The following FGFR2 variants were observed in gnomAD, a reference collection of about 807,000 sequenced individuals.
FGFR2 encodes the protein fibroblast growth factor receptor 2, also known as BEK fibroblast growth factor receptor.
Under a neutral mutation model 95.9 loss-of-function variants are expected in FGFR2, and 19 were observed. That is an observed-to-expected ratio of 0.20 (90% confidence interval 0.14 to 0.29). The LOEUF (loss-of-function observed/expected upper bound fraction) is 0.29. Among genes scored for constraint, FGFR2 ranks in the 10% least tolerant of loss-of-function variants. The probability of loss-of-function intolerance (pLI) is 1.00; values close to 1 mark genes in which losing one functional copy is unlikely to be tolerated. For synonymous variants in FGFR2, 392 were observed against 393.3 expected (o/e 1.00, Z 0.04); for missense variants, 707 against 1,056.9 (o/e 0.67, Z 4.59).
chr10:121,527,002 C>G (rs1851470642), intron 6 of FGFR2: 2 of 365,704 alleles, frequency 5.5e-6, no homozygotes, highest in Non-Finnish European at 9.7e-6. Flanking sequence ...CTCCCTCCAG[C>G]ACTAAAGTCA....
intron 9 of FGFR2, among the ~76,000 whole-genome samples, chr10:121,505,792 T>C (rs143227467): frequency 4.9e-4 from 74 of 152,310 alleles, no homozygotes; most frequent in African/African-American, 1.7e-3. Context: ...CCAGTTTGCA[T>C]TGGTCCACAG....
At chr10:121,564,008 C>A (rs1186200652) in intron 4 of FGFR2, among the ~76,000 whole-genome samples, 1 of 152,228 alleles carries the variant, frequency 6.6e-6, no homozygotes, top group Non-Finnish European at 1.5e-5. Context: ...TGTTATGGGG[C>A]TGTGCTCTGC....
chr10:121,506,357 C>CAAAAAAAAAAAAAAAAAAAAAA (rs10678814), intron 9 of FGFR2, among the ~76,000 whole-genome samples: 1 of 101,174 alleles, frequency 9.9e-6, no homozygotes, highest in East Asian at 2.8e-4. Flanking sequence ...GACTCCGTCT[C>CAAAAAAAAAAAAAAAAAAAAAA]AAAAAAAAAA....
At chr10:121,577,810 C>A (rs1360697637) in intron 2 of FGFR2, among the ~76,000 whole-genome samples, 4 of 152,036 alleles carry the variant, frequency 2.6e-5, no homozygotes, top group Non-Finnish European at 4.4e-5. Context: ...AAATACATAA[C>A]CTGGATGTCT....
intron 4 of FGFR2, among the ~76,000 whole-genome samples, chr10:121,559,078 G>A (rs1371898475): frequency 1.3e-5 from 1 of 79,188 alleles, no homozygotes; most frequent in East Asian, 4.1e-4. Flanking sequence ...GGAAGATACA[G>A]AACTAAATTT....
chr10:121,586,292 C>G (rs1184205362), intron 2 of FGFR2, among the ~76,000 whole-genome samples: 1 of 152,158 alleles, frequency 6.6e-6, no homozygotes, highest in African/African-American at 2.4e-5. Context: ...TAAATACATC[C>G]CTTGTTCTCG....
Position 121,485,581 on chromosome 10 carries a change from A to C in FGFR2, c.2058-49T>G, listed in dbSNP as rs1166601872. 36 of 1,613,480 alleles carry C rather than the reference A, an allele frequency of 2.2e-5. No individual in the cohort carries two copies. The highest frequency in any genetic ancestry group is 2.9e-5 in the Non-Finnish European group (34 of 1,179,752). On this transcript the variant is annotated intron_variant, in intron 15 of 17. Coordinates refer to ENST00000358487, the MANE Select transcript of FGFR2 (RefSeq NM_000141.5). This position sits in a 1 kb window ranked among gnomAD's most constrained non-coding sequence, Gnocchi z 4.2. ...GCATTACTAACCCATCCACGTTGCC[A>C]AAACCTAAACACGCCCAGCTGAGAC... is the stretch of plus-strand genomic sequence containing the variant.
intron 9 of FGFR2, among the ~76,000 whole-genome samples, chr10:121,511,379 A>G (rs1849040334): frequency 6.6e-6 from 1 of 152,076 alleles, no homozygotes; most frequent in African/African-American, 2.4e-5. Flanking sequence ...ACCCAGCAAC[A>G]CCGCACGTCT....
At chr10:121,542,336 C>T (rs538209342) in intron 5 of FGFR2, among the ~76,000 whole-genome samples, 12 of 152,222 alleles carry the variant, frequency 7.9e-5, no homozygotes, top group South Asian at 4.2e-4. Flanking sequence ...TGGGTATTGC[C>T]TACTTTTTTC....
chr10:121,551,268 T>C, intron 5 of FGFR2, 22 bp downstream of exon 5: 1 of 1,612,670 alleles, frequency 6.2e-7, no homozygotes, highest in South Asian at 1.1e-5. Context: ...AGAAATGTGA[T>C]GTTCTGAAAG....
At chr10:121,515,614 G>A (rs912781489) in intron 8 of FGFR2, among the ~76,000 whole-genome samples, 1 of 152,052 alleles carries the variant, frequency 6.6e-6, no homozygotes, top group African/African-American at 2.4e-5. Context: ...CATTTCAGTG[G>A]AGGACGACCA....
At chr10:121,536,736 C>G (rs1304369492) in intron 6 of FGFR2, among the ~76,000 whole-genome samples, 1 of 152,166 alleles carries the variant, frequency 6.6e-6, no homozygotes, top group Non-Finnish European at 1.5e-5. Flanking sequence ...AAGCAAGAGC[C>G]CAGACCGGAG....
In FGFR2 at chr10:121,485,323, G is replaced by C. The variant is rs1209202589; in HGVS notation, c.2195+72C>G. ...GGAAACCAGGGGCCTTCAAAAACGA[G>C]ATACATCAGGAGAGGTATTACTGGT... On this transcript the variant is annotated intron_variant, in intron 16 of 17. Coordinates refer to ENST00000358487, the MANE Select transcript of FGFR2 (RefSeq NM_000141.5). This position sits in a 1 kb window ranked among gnomAD's most constrained non-coding sequence, Gnocchi z 4.2. 25 of 1,598,500 alleles carry C rather than the reference G, an allele frequency of 1.6e-5. No individual in the cohort carries two copies. Among genetic ancestry groups the C allele is most frequent in the Non-Finnish European group, 2.1e-5 (24 of 1,166,636 alleles).
At chr10:121,597,690 G>A (rs961075656) in intron 1 of FGFR2, among the ~76,000 whole-genome samples, 2 of 152,264 alleles carry the variant, frequency 1.3e-5, no homozygotes, top group Non-Finnish European at 2.9e-5. Context: ...GCCCGCCAGG[G>A]TTTGACAGGG....
intron 2 of FGFR2, among the ~76,000 whole-genome samples, chr10:121,575,891 T>A (rs747970155): frequency 8.7e-4 from 126 of 145,634 alleles, no homozygotes; most frequent in South Asian, 2.0e-3. Flanking sequence ...AATAATAATT[T>A]AAAAAAATAA....
intron 2 of FGFR2, among the ~76,000 whole-genome samples, chr10:121,582,563 G>A (rs2135373765): frequency 6.6e-6 from 1 of 152,244 alleles, no homozygotes; most frequent in South Asian, 2.1e-4. Flanking sequence ...GGGAGGCTGA[G>A]GTGGGTGGAT....
At chr10:121,597,113 G>A (rs1045276816) in intron 1 of FGFR2, among the ~76,000 whole-genome samples, 1 of 152,232 alleles carries the variant, frequency 6.6e-6, no homozygotes, top group Non-Finnish European at 1.5e-5. Flanking sequence ...CGGTCTGCAA[G>A]GGAGCGGGGT....
intron 2 of FGFR2, among the ~76,000 whole-genome samples, chr10:121,581,149 C>T (rs1265492367): frequency 6.6e-6 from 1 of 152,216 alleles, no homozygotes; most frequent in Non-Finnish European, 1.5e-5. Context: ...TGGAGGCCGC[C>T]GGGATGCCCT....
At position 121,563,799 on chromosome 10, in the gene FGFR2, T is replaced by G. The variant is rs146310319; in HGVS notation, c.454+703A>C. Among the ~76,000 whole-genome samples, 79 of 152,326 alleles carry G rather than the reference T, an allele frequency of 5.2e-4. 1 individual carries two copies. The highest frequency in any genetic ancestry group is 1.7e-3 in the African/African-American group (69 of 41,564). ...CCAAGAGGCTACGCCATGTTCTTCC[T>G]CGCAAGTAAATGGCCTCTCCCATGT... On this transcript the variant is annotated intron_variant, in intron 4 of 17. Coordinates refer to ENST00000358487, the MANE Select transcript of FGFR2 (RefSeq NM_000141.5).
Sources: allele counts gnomAD v4.1 joint callset (sites outside exome capture counted in the v4.1 genomes callset), GRCh38; gene constraint gnomAD v4.1.1; non-coding constraint Gnocchi (gnomAD v3.1); transcripts MANE v1.5; gene names NCBI Gene and HGNC (gene_info 2026-07-23, HGNC 2026-07-21).